Variants in WDR59 observed in about 807,000 individuals in gnomAD.
WDR59 encodes GATOR2 complex protein WDR59.
A neutral mutation model predicts 131.2 loss-of-function variants in WDR59; 100 were observed. The observed-to-expected ratio is 0.76, with a 90% confidence interval of 0.65 to 0.90. The LOEUF (loss-of-function observed/expected upper bound fraction) is 0.90, where lower values mean the gene tolerates loss of function less well. Ranked by LOEUF, WDR59 falls within the 40% of genes least tolerant of loss-of-function variation. The pLI is 0.00. For missense variants in WDR59, 1,203 were observed against 1,262.2 expected, an observed-to-expected ratio of 0.95 and a Z score of 0.71; for synonymous variants, 601 against 466.2, an observed-to-expected ratio of 1.29 and a Z score of -3.72.
chr16:74,975,586 C>T (rs962644588), intron 1 of WDR59, among the ~76,000 whole-genome samples: 1 of 151,490 alleles, frequency 6.6e-6, no homozygotes, highest in African/African-American at 2.4e-5. Context: ...ATTGCTTGAA[C>T]CTGGGAGGTG....
At chr16:74,933,320 C>T (rs981712586) in intron 8 of WDR59, among the ~76,000 whole-genome samples, 1 of 152,116 alleles carries the variant, frequency 6.6e-6, no homozygotes, top group East Asian at 1.9e-4. Context: ...AAAAATCACA[C>T]CTAAAATGTA....
At chr16:74,928,065 G>A (rs775572805) in intron 8 of WDR59, among the ~76,000 whole-genome samples, 24 of 151,324 alleles carry the variant, frequency 1.6e-4, no homozygotes, top group Non-Finnish European at 2.4e-4. Context: ...GCACCACCAC[G>A]CCCAGCTAAT....
At chr16:74,940,917 G>T (rs2032167854) in intron 7 of WDR59, among the ~76,000 whole-genome samples, 1 of 151,916 alleles carries the variant, frequency 6.6e-6, no homozygotes, top group Non-Finnish European at 1.5e-5. Context: ...TGTTAGCCAG[G>T]ATGGTCTCGA....
intron 1 of WDR59, among the ~76,000 whole-genome samples, chr16:74,979,558 C>A (rs1453401932): frequency 3.3e-5 from 5 of 150,976 alleles, no homozygotes; most frequent in Non-Finnish European, 7.4e-5. Context: ...TTGTTTTTTT[C>A]AGATGGAGTC....
intron 17 of WDR59, among the ~76,000 whole-genome samples, chr16:74,907,809 A>G (rs570749860): frequency 1.8e-4 from 28 of 152,220 alleles, no homozygotes; most frequent in Non-Finnish European, 4.0e-4. Context: ...TGGTGTTTTA[A>G]ACATTTTTAG....
intron 10 of WDR59, among the ~76,000 whole-genome samples, chr16:74,918,789 G>A (rs1227248674): frequency 6.6e-6 from 1 of 152,176 alleles, no homozygotes; most frequent in Non-Finnish European, 1.5e-5. Context: ...TGGGGAAACT[G>A]AGGCAAGAGA....
intron 14 of WDR59, among the ~76,000 whole-genome samples, chr16:74,911,744 A>G (rs1966104788): frequency 6.6e-6 from 1 of 152,200 alleles, no homozygotes; most frequent in Non-Finnish European, 1.5e-5. Flanking sequence ...TTTTAGCTTC[A>G]GAATACATCT....
intron 16 of WDR59, among the ~76,000 whole-genome samples, chr16:74,909,207 C>CT (rs1323696671): frequency 3.9e-5 from 6 of 152,096 alleles, no homozygotes; most frequent in African/African-American, 1.4e-4. Flanking sequence ...CAGCAGGACT[C>CT]TAAGCCTCCC....
rs1263262862 is a variant in WDR59, at chr16:74,904,040, T to C, written c.1773A>G (p.Thr591=). Reference sequence around the variant, plus strand: ...ATAAACGAAGGTTCCCAGGGGCCTCTGTGCGGATCTTCATGGGCGCGATCA... The same window carrying C: ...ATAAACGAAGGTTCCCAGGGGCCTCCGTGCGGATCTTCATGGGCGCGATCA... ...TGLIAPMKIR[T]EAPGNLRLYS... The change falls in exon 18 of 26, where the codon ACA becomes ACG. Residue 591 remains threonine, a synonymous_variant. Transcript: ENST00000262144. 1.2e-6 allele frequency: 2 copies of C among 1,613,250 alleles called. No individual in the cohort carries two copies. The highest frequency in any genetic ancestry group is 2.2e-5 in the East Asian group (1 of 44,888).
At chr16:74,900,917 G>A (rs974985305) in intron 18 of WDR59, among the ~76,000 whole-genome samples, 1 of 152,206 alleles carries the variant, frequency 6.6e-6, no homozygotes, top group Non-Finnish European at 1.5e-5. Flanking sequence ...TCAGGAGTTC[G>A]AGACCAGCGT....
intron 8 of WDR59, among the ~76,000 whole-genome samples, 189 bp downstream of exon 8, chr16:74,937,961 C>G (rs2031933242): frequency 6.6e-6 from 1 of 152,268 alleles, no homozygotes; most frequent in South Asian, 2.1e-4. Context: ...CAGCACCATG[C>G]TGGGTCTCGC....
chr16:74,933,530 C>A (rs1349372155), intron 8 of WDR59, among the ~76,000 whole-genome samples: 5 of 152,154 alleles, frequency 3.3e-5, no homozygotes, highest in African/African-American at 9.7e-5. Context: ...TTATCACTTA[C>A]TGCTGTATTT....
chr16:74,982,558 A>G (rs2034468103), intron 1 of WDR59, among the ~76,000 whole-genome samples: 1 of 152,190 alleles, frequency 6.6e-6, no homozygotes, highest in Non-Finnish European at 1.5e-5. Flanking sequence ...TTCTGTGAAA[A>G]TTAAAGGGTT....
chr16:74,933,881 G>A (rs1222062848), intron 8 of WDR59, among the ~76,000 whole-genome samples: 2 of 152,212 alleles, frequency 1.3e-5, no homozygotes, highest in African/African-American at 2.4e-5. Flanking sequence ...CACCGCACCA[G>A]CCATTTCTTA....
At position 74,936,009 on chromosome 16, in the gene WDR59, A is replaced by G. The variant is rs551993845; in HGVS notation, c.651+2141T>C. ...AAGACTCCACCTCAAAAAAAAAAAA[A>G]AAATTGTCTTCCTTCTAGGATATAG... is the stretch of plus-strand genomic sequence containing the variant. On this transcript the variant is annotated intron_variant, in intron 8 of 25. Transcript: ENST00000262144. Among the ~76,000 whole-genome samples, 7 of 152,208 alleles carry G rather than the reference A, an allele frequency of 4.6e-5. No homozygotes were observed. The East Asian group carries it at 1.3e-3, about 29-fold the overall frequency.
In WDR59 at chr16:74,898,914, C is replaced by G. The variant is rs138930569; in HGVS notation, c.1866+5033G>C. 1.8e-3 allele frequency among the ~76,000 whole-genome samples: 268 copies of G among 152,314 alleles called. 3 individuals are homozygous for G. The highest frequency in any genetic ancestry group is 1.8e-4 in the Non-Finnish European group (12 of 68,030). On this transcript the variant is annotated intron_variant, in intron 18 of 25. Transcript: ENST00000262144. ...CTACAAGTTGTTGGCAGCAGTGGTACTTGCTAATCGGGGCTTCTGATTCCA... is the reference window on the plus strand; with the variant it reads ...CTACAAGTTGTTGGCAGCAGTGGTAGTTGCTAATCGGGGCTTCTGATTCCA...
intron 17 of WDR59, 129 bp from the exon 18 acceptor site, chr16:74,904,229 T>C: frequency 8.6e-7 from 1 of 1,161,752 alleles, no homozygotes. Flanking sequence ...GAAAAAGAAG[T>C]CAATAAAACT....
In WDR59 at chr16:74,913,546, C is replaced by T. The variant is rs146467375; in HGVS notation, c.1225-1184G>A. 3.5e-3 allele frequency among the ~76,000 whole-genome samples: 529 copies of T among 152,242 alleles called. 2 individuals are homozygous for T. The highest frequency in any genetic ancestry group is 0.012 in the African/African-American group (508 of 41,540). On this transcript the variant is annotated intron_variant, in intron 13 of 25. Transcript: ENST00000262144. ...CCTCCAGTGATCCACCCACCTTGGC[C>T]TCCTAAAGTGCTGGGATTACAGGCA... is the stretch of plus-strand genomic sequence containing the variant.
In WDR59 at chr16:74,927,681, AAAACACACACAC is replaced by A. The variant is rs1199314850; in HGVS notation, c.652-3690_652-3679del. On this transcript the variant is annotated intron_variant, in intron 8 of 25. Transcript: ENST00000262144. ...ATGTTTTAGATTTGCTGCTCTTTAAAAAACACACACACACACACACACACACACACACACACA... is the reference window on the plus strand; with the variant it reads ...ATGTTTTAGATTTGCTGCTCTTTAAAACACACACACACACACACACACACA... 1.6e-3 allele frequency among the ~76,000 whole-genome samples: 28 copies of A among 17,614 alleles called. No homozygotes were observed. The East Asian group carries it at 0.046, about 29-fold the overall frequency. The allele number at this position is 17,614 out of a possible 152,430, so 11.6% of individuals were successfully genotyped here. A position where few individuals can be genotyped will look rare whatever the true frequency, so the allele number is the denominator to read the frequency against.
Sources: gnomAD v4.1 joint callset for allele counts (sites outside exome capture counted in the v4.1 genomes callset) on GRCh38, gnomAD v4.1.1 for gene constraint, MANE v1.5 for transcripts, NCBI Gene and HGNC (gene_info 2026-07-23, HGNC 2026-07-21) for gene names.